ESRRG: variants seen among roughly 807,000 people sequenced by gnomAD.
ESRRG encodes estrogen related receptor gamma.
A neutral mutation model predicts 44.0 loss-of-function variants in ESRRG; 13 were observed. The ratio of observed to expected loss-of-function variants is 0.30; its 90% CI spans 0.19 to 0.47. ESRRG has a LOEUF of 0.47. ESRRG is among the 20% of genes least tolerant of loss of function. The pLI is 1.00. For synonymous variants in ESRRG, 215 were observed against 214.6 expected, an observed-to-expected ratio of 1.00 and a Z score of -0.02; for missense variants, 395 against 580.6, an observed-to-expected ratio of 0.68 and a Z score of 3.29.
chr1:216,541,536 G>A (rs951530916), intron 5 of ESRRG, among the ~76,000 whole-genome samples: 1 of 148,914 alleles, frequency 6.7e-6, no homozygotes, highest in African/African-American at 2.5e-5. Flanking sequence ...AGGGAAGCTC[G>A]CTCAGCTATT....
intron 3 of ESRRG, among the ~76,000 whole-genome samples, chr1:216,625,183 C>G (rs550005060): frequency 7.9e-5 from 12 of 152,216 alleles, no homozygotes; most frequent in Non-Finnish European, 1.5e-4. Flanking sequence ...ACTATTTCTA[C>G]AGGATTAGTA....
At chr1:216,941,825 G>A (rs1172558643) in intron 1 of ESRRG, among the ~76,000 whole-genome samples, 2 of 152,130 alleles carry the variant, frequency 1.3e-5, no homozygotes, top group African/African-American at 4.8e-5. Context: ...AATTTTGTGG[G>A]TAACCCAGGA....
chr1:216,699,214 G>C (rs866234264), intron 1 of ESRRG, among the ~76,000 whole-genome samples: 4 of 152,184 alleles, frequency 2.6e-5, no homozygotes, highest in Non-Finnish European at 5.9e-5. Flanking sequence ...ACAGGGGGTT[G>C]TTACCTAGTA....
intron 2 of ESRRG, among the ~76,000 whole-genome samples, chr1:216,676,341 C>T (rs2076103614): frequency 6.6e-6 from 1 of 151,780 alleles, no homozygotes; most frequent in East Asian, 1.9e-4. Context: ...GTATATATCA[C>T]TTATATATGT....
intron 1 of ESRRG, among the ~76,000 whole-genome samples, chr1:216,680,251 T>C (rs1042325053): frequency 2.0e-5 from 3 of 152,214 alleles, no homozygotes; most frequent in Non-Finnish European, 2.9e-5. Context: ...TATTACCTCA[T>C]TGAATCCCCA....
At chr1:216,934,749 G>A (rs1048220638) in intron 2 of ESRRG, among the ~76,000 whole-genome samples, 1 of 152,108 alleles carries the variant, frequency 6.6e-6, no homozygotes, top group African/African-American at 2.4e-5. Flanking sequence ...AATTCAAGAT[G>A]AGATTTGGAT....
At chr1:216,531,055 C>A (rs2049226536) in intron 5 of ESRRG, among the ~76,000 whole-genome samples, 1 of 152,010 alleles carries the variant, frequency 6.6e-6, no homozygotes, top group Non-Finnish European at 1.5e-5. Flanking sequence ...AGGAGGTCTT[C>A]TGCATAAATG....
chr1:216,953,482 A>G (rs1175259192), intron 1 of ESRRG, among the ~76,000 whole-genome samples: 1 of 152,106 alleles, frequency 6.6e-6, no homozygotes, highest in Non-Finnish European at 1.5e-5. Context: ...TACTATGAAA[A>G]TACTGAGGGT....
chr1:217,115,496 T>A lies in ESRRG; in HGVS notation c.-230+22171A>T, dbSNP rs561454884. Among the ~76,000 whole-genome samples the A allele has an allele frequency of 1.2e-4, 19 of 152,222 alleles. No individual in the cohort carries two copies. In the South Asian group the frequency reaches 3.7e-3, roughly 30 times the overall value. On this transcript the variant is annotated intron_variant, in intron 1 of 8. Transcript: ENST00000366940. ...AACAACCTCTCTACTGCATATCCTATGCTCATCCCCTTATTCACACTTCTC... is the reference window on the plus strand; with the variant it reads ...AACAACCTCTCTACTGCATATCCTAAGCTCATCCCCTTATTCACACTTCTC...
intron 2 of ESRRG, among the ~76,000 whole-genome samples, chr1:216,919,360 A>G (rs934120262): frequency 3.8e-4 from 58 of 152,136 alleles, no homozygotes; most frequent in African/African-American, 1.4e-3. Context: ...TCAAAATGTT[A>G]ATCATTTTAG....
At chr1:216,750,006 T>G (rs2091849674) in intron 2 of ESRRG, among the ~76,000 whole-genome samples, 1 of 152,202 alleles carries the variant, frequency 6.6e-6, no homozygotes, top group South Asian at 2.1e-4. Context: ...ATTTCATGTT[T>G]TAAGCATTTG....
At chr1:216,523,771 G>C (rs796408521) in intron 5 of ESRRG, among the ~76,000 whole-genome samples, 1 of 151,252 alleles carries the variant, frequency 6.6e-6, no homozygotes, top group Non-Finnish European at 1.5e-5. Flanking sequence ...AATCTTCAGG[G>C]CATCTGTTAA....
chr1:216,758,244 G>T (rs1220261030), intron 2 of ESRRG, among the ~76,000 whole-genome samples: 1 of 152,000 alleles, frequency 6.6e-6, no homozygotes, highest in African/African-American at 2.4e-5. Flanking sequence ...AGTCTCTTGT[G>T]GGCTTCTCTC....
At chr1:217,098,738 C>CA (rs1260609966) in intron 1 of ESRRG, among the ~76,000 whole-genome samples, 1 of 152,218 alleles carries the variant, frequency 6.6e-6, no homozygotes, top group African/African-American at 2.4e-5. Flanking sequence ...TGCCTACAAT[C>CA]ATTCTAAGTT....
chr1:216,625,653 G>C (rs2063069658), intron 3 of ESRRG, among the ~76,000 whole-genome samples: 1 of 152,108 alleles, frequency 6.6e-6, no homozygotes, highest in African/African-American at 2.4e-5. Context: ...GCACTTAAAA[G>C]TTATATGAGC....
At chr1:217,120,575 G>A (rs12040162) in intron 1 of ESRRG, among the ~76,000 whole-genome samples, 11,114 of 151,844 alleles carry the variant, frequency 0.073, 496 homozygotes, top group East Asian at 0.22. Flanking sequence ...GTTCTTCAGC[G>A]TCTAGCCCCT....
intron 1 of ESRRG, among the ~76,000 whole-genome samples, chr1:216,997,610 T>C (rs1216140348): frequency 6.6e-6 from 1 of 152,238 alleles, no homozygotes; most frequent in Non-Finnish European, 1.5e-5. Flanking sequence ...ATTTTACATT[T>C]GGGCTACAAA....
intron 2 of ESRRG, among the ~76,000 whole-genome samples, chr1:216,655,887 T>C (rs1243318592): frequency 6.6e-6 from 1 of 152,196 alleles, no homozygotes; most frequent in Non-Finnish European, 1.5e-5. Flanking sequence ...ACAGAGATTG[T>C]GCCCTTGAAA....
chr1:216,536,987 G>A (rs941796023), intron 5 of ESRRG, among the ~76,000 whole-genome samples: 1 of 152,052 alleles, frequency 6.6e-6, no homozygotes, highest in Non-Finnish European at 1.5e-5. Flanking sequence ...GGGGGTCAAG[G>A]AAAGCCTCAC....
Sources: allele counts gnomAD v4.1 joint callset (sites outside exome capture counted in the v4.1 genomes callset), GRCh38; gene constraint gnomAD v4.1.1; transcripts MANE v1.5; gene names NCBI Gene and HGNC (gene_info 2026-07-23, HGNC 2026-07-21).